Variants in TRAPPC9 observed in about 807,000 individuals in gnomAD.
TRAPPC9 encodes the protein trafficking protein particle complex subunit 9, also known as IKK2 binding protein.
In TRAPPC9, 83 loss-of-function variants were observed where a neutral mutation model predicts 124.0. That is an observed-to-expected ratio of 0.67 (90% confidence interval 0.56 to 0.80). The LOEUF is 0.80. TRAPPC9 is among the 30% of genes least tolerant of loss of function. TRAPPC9 has a pLI of 0.00. For missense variants in TRAPPC9, 1,302 were observed against 1,508.3 expected, an observed-to-expected ratio of 0.86 and a Z score of 2.27; for synonymous variants, 638 against 617.5, an observed-to-expected ratio of 1.03 and a Z score of -0.49.
At chr8:140,156,705 G>A (rs562070840) in intron 17 of TRAPPC9, among the ~76,000 whole-genome samples, 22 of 152,310 alleles carry the variant, frequency 1.4e-4, no homozygotes, top group South Asian at 2.1e-4. Flanking sequence ...AAGAAAAATC[G>A]TCTGTTTCTA....
intron 21 of TRAPPC9, among the ~76,000 whole-genome samples, chr8:139,756,470 T>A (rs1257029256): frequency 6.8e-4 from 56 of 82,818 alleles, no homozygotes; most frequent in East Asian, 1.2e-3. Context: ...GGAGCCAGGG[T>A]TTGGGGATGA....
intron 21 of TRAPPC9, among the ~76,000 whole-genome samples, chr8:139,755,917 G>T (rs1819725797): frequency 1.6e-5 from 2 of 127,246 alleles, no homozygotes; most frequent in Non-Finnish European, 1.6e-5. Flanking sequence ...CGCAGGAGGA[G>T]CCAGGGTTTG....
At chr8:140,263,837 G>A (rs932935267) in intron 15 of TRAPPC9, among the ~76,000 whole-genome samples, 3 of 152,116 alleles carry the variant, frequency 2.0e-5, no homozygotes, top group Admixed American at 6.5e-5. Context: ...AGAGGCTTCC[G>A]ACTAGTCTGC....
chr8:139,764,702 C>G (rs1158633654), intron 21 of TRAPPC9, among the ~76,000 whole-genome samples: 1 of 152,108 alleles, frequency 6.6e-6, no homozygotes, highest in Non-Finnish European at 1.5e-5. Context: ...GCGTCCCTGT[C>G]CTGGTGTGTA....
intron 20 of TRAPPC9, among the ~76,000 whole-genome samples, chr8:139,909,210 A>G (rs1010056148): frequency 1.3e-5 from 2 of 152,224 alleles, no homozygotes; most frequent in Non-Finnish European, 2.9e-5. Context: ...GAGATCATTA[A>G]CAGACATTCC....
intron 19 of TRAPPC9, among the ~76,000 whole-genome samples, chr8:139,927,403 C>T (rs564330484): frequency 4.9e-4 from 75 of 152,250 alleles, no homozygotes; most frequent in Admixed American, 3.0e-3. Flanking sequence ...CACCACCACA[C>T]CCAGCTAATG....
chr8:139,978,450 T>G (rs1181462577), intron 19 of TRAPPC9, among the ~76,000 whole-genome samples: 1 of 152,230 alleles, frequency 6.6e-6, no homozygotes, highest in African/African-American at 2.4e-5. Flanking sequence ...TGAAGTATTG[T>G]GACATTTAAA....
At chr8:140,133,250 T>C (rs2061237239) in intron 17 of TRAPPC9, among the ~76,000 whole-genome samples, 1 of 152,228 alleles carries the variant, frequency 6.6e-6, no homozygotes, top group Non-Finnish European at 1.5e-5. Flanking sequence ...GTAAGGATAG[T>C]TCAACATTTT....
chr8:139,916,017 C>G (rs1320479378), intron 19 of TRAPPC9, among the ~76,000 whole-genome samples: 1 of 152,168 alleles, frequency 6.6e-6, no homozygotes, highest in African/African-American at 2.4e-5. Flanking sequence ...AGGAAAGGAC[C>G]AGGCCCACAC....
intron 19 of TRAPPC9, among the ~76,000 whole-genome samples, chr8:139,956,450 C>T (rs1834994214): frequency 6.6e-6 from 1 of 152,126 alleles, no homozygotes; most frequent in Non-Finnish European, 1.5e-5. Context: ...CGTGAGCCAC[C>T]GCGCCCGGCC....
chr8:140,175,310 G>A (rs2062042300), intron 17 of TRAPPC9, among the ~76,000 whole-genome samples: 1 of 151,694 alleles, frequency 6.6e-6, no homozygotes, highest in South Asian at 2.1e-4. Flanking sequence ...AGCAAGAGAT[G>A]TATTATTTCT....
chr8:139,933,526 G>A (rs888023616), intron 19 of TRAPPC9: 2 of 152,346 alleles, frequency 1.3e-5, no homozygotes, highest in Non-Finnish European at 2.9e-5. Context: ...CAGGGCCAGC[G>A]TCTTGAGCCC....
chr8:140,458,265 T>A, upstream of TRAPPC9: 2 of 1,552,296 alleles, frequency 1.3e-6, no homozygotes, highest in Non-Finnish European at 1.7e-6. Flanking sequence ...GGCCCAGTTC[T>A]GTCCCCGCCG....
intron 17 of TRAPPC9, among the ~76,000 whole-genome samples, chr8:140,126,228 G>A (rs1345717091): frequency 6.6e-6 from 1 of 152,132 alleles, no homozygotes; most frequent in East Asian, 1.9e-4. Context: ...GCTCTCCAAT[G>A]CGGGGTATCC....
Position 140,438,817 on chromosome 8 carries a change from G to A in TRAPPC9, c.730+235C>T, listed in dbSNP as rs13281374. 0.43 allele frequency among the ~76,000 whole-genome samples: 64,990 copies of A among 151,918 alleles called. 15,364 individuals are homozygous for A. The highest frequency in any genetic ancestry group is 0.52 in the Middle Eastern group (154 of 294). ...AGAAATTCTGCTGCCTCCGCCTCCC[G>A]AGTAGCTGGGACTATAGGCGCGTGC... On this transcript the variant is annotated intron_variant, in intron 3 of 22. Transcript: ENST00000438773.
chr8:140,159,109 T>A (rs919031122), intron 17 of TRAPPC9, among the ~76,000 whole-genome samples: 1 of 152,198 alleles, frequency 6.6e-6, no homozygotes, highest in Non-Finnish European at 1.5e-5. Context: ...GCCTAAGTCC[T>A]GCTGCCCACA....
At position 139,910,133 on chromosome 8, in the gene TRAPPC9, C is replaced by T. The variant is rs2131275585; in HGVS notation, c.2964+14G>A. 6.2e-7 allele frequency: 1 copy of T among 1,614,014 alleles called. No individual in the cohort carries two copies. The highest frequency in any genetic ancestry group is 1.1e-5 in the South Asian group (1 of 91,084). On this transcript the variant is annotated intron_variant, in intron 20 of 22. Coordinates refer to ENST00000438773, the MANE Select transcript of TRAPPC9 (RefSeq NM_001160372.4). ...AGGTGCCCCCAGGCCCAGGTGGCCC[C>T]TGGAAAAGGATATGATTCTCCAGCA... is the stretch of plus-strand genomic sequence containing the variant.
chr8:140,287,755 T>A (rs537516543), intron 12 of TRAPPC9, 21 bp from the exon 13 acceptor site: 4 of 1,613,976 alleles, frequency 2.5e-6, no homozygotes, highest in Non-Finnish European at 2.5e-6. Flanking sequence ...CGACGCAGCA[T>A]CGTAAGCCCG....
At chr8:139,744,721 T>A (rs1201426167) in intron 21 of TRAPPC9, among the ~76,000 whole-genome samples, 3 of 152,214 alleles carry the variant, frequency 2.0e-5, no homozygotes, top group Non-Finnish European at 4.4e-5. Context: ...CCAGGACGCC[T>A]CTTCCCTGGC....
Sources: allele counts gnomAD v4.1 joint callset (sites outside exome capture counted in the v4.1 genomes callset), GRCh38; gene constraint gnomAD v4.1.1; transcripts MANE v1.5; gene names NCBI Gene and HGNC (gene_info 2026-07-23, HGNC 2026-07-21).